The following LRP1B variants were observed in gnomAD, a reference collection of about 807,000 sequenced individuals.
LRP1B encodes the protein low-density lipoprotein receptor-related protein 1B.
In LRP1B, 217 loss-of-function variants were observed where a neutral mutation model predicts 556.6. The observed-to-expected ratio is 0.39, with a 90% confidence interval of 0.35 to 0.44. The LOEUF (loss-of-function observed/expected upper bound fraction) is 0.44. Among genes scored for constraint, LRP1B ranks in the 20% least tolerant of loss-of-function variants. LRP1B has a pLI of 1.00. For synonymous variants in LRP1B, 2,047 were observed against 1,865.8 expected, an observed-to-expected ratio of 1.10 and a Z score of -2.50; for missense variants, 5,053 against 5,620.8, an observed-to-expected ratio of 0.90 and a Z score of 3.23.
chr2:140,872,169 C>T (rs1231103281), intron 25 of LRP1B, among the ~76,000 whole-genome samples: 6 of 141,824 alleles, frequency 4.2e-5, no homozygotes, highest in African/African-American at 1.0e-4. Context: ...TCTTTCCCTT[C>T]TCTTTCACCC....
intron 1 of LRP1B, among the ~76,000 whole-genome samples, chr2:141,848,955 AAG>A (rs1416812577): frequency 6.6e-6 from 1 of 151,624 alleles, no homozygotes; most frequent in Non-Finnish European, 1.5e-5. Context: ...TGAGTGAATG[AAG>A]ATTATCATCA....
intron 3 of LRP1B, among the ~76,000 whole-genome samples, chr2:141,274,162 A>G (rs1008371614): frequency 6.6e-6 from 1 of 152,206 alleles, no homozygotes; most frequent in Non-Finnish European, 1.5e-5. Context: ...CAGTTCTTCA[A>G]AAAGTTATAA....
intron 7 of LRP1B, among the ~76,000 whole-genome samples, chr2:141,185,816 C>T (rs534266909): frequency 6.6e-6 from 1 of 151,684 alleles, no homozygotes; most frequent in Non-Finnish European, 1.5e-5. Flanking sequence ...CAGAGGCTCA[C>T]ACCTGTAATC....
intron 3 of LRP1B, among the ~76,000 whole-genome samples, chr2:141,279,829 G>T (rs1056004866): frequency 6.6e-6 from 1 of 151,948 alleles, no homozygotes; most frequent in African/African-American, 2.4e-5. Context: ...TGAAGATAAG[G>T]GATAATACAA....
intron 7 of LRP1B, among the ~76,000 whole-genome samples, chr2:141,158,266 T>C (rs574605424): frequency 7.0e-4 from 107 of 152,314 alleles, no homozygotes; most frequent in Non-Finnish European, 1.0e-3. Context: ...TAAATAATTA[T>C]GGAATTTCAG....
intron 1 of LRP1B, among the ~76,000 whole-genome samples, chr2:142,091,231 T>C (rs1706160299): frequency 6.6e-6 from 1 of 152,136 alleles, no homozygotes; most frequent in African/African-American, 2.4e-5. Context: ...TTTTTAGACT[T>C]TGGCAAAAGT....
chr2:140,665,897 TA>T (rs1467769932), intron 41 of LRP1B, among the ~76,000 whole-genome samples: 1 of 152,106 alleles, frequency 6.6e-6, no homozygotes, highest in Non-Finnish European at 1.5e-5. Context: ...TTTAAACAGA[TA>T]TTTTTTTCCT....
chr2:141,904,918 G>A (rs1337197267), intron 1 of LRP1B, among the ~76,000 whole-genome samples: 2 of 151,900 alleles, frequency 1.3e-5, no homozygotes, highest in East Asian at 3.9e-4. Context: ...ACCTACTTGG[G>A]TAAACTCTGG....
chr2:142,121,025 T>C (rs1022709737), intron 1 of LRP1B, among the ~76,000 whole-genome samples: 5 of 152,182 alleles, frequency 3.3e-5, no homozygotes, highest in Non-Finnish European at 7.4e-5. Context: ...CTGATTAGAA[T>C]ATTAACCCTT....
intron 7 of LRP1B, among the ~76,000 whole-genome samples, chr2:141,092,619 A>T (rs1700196582): frequency 6.6e-6 from 1 of 152,170 alleles, no homozygotes; most frequent in Non-Finnish European, 1.5e-5. Context: ...AAAATATTTC[A>T]CAGTTTGCCA....
At chr2:140,417,626 T>G (rs926468870) in intron 66 of LRP1B, among the ~76,000 whole-genome samples, 1 of 152,106 alleles carries the variant, frequency 6.6e-6, no homozygotes, top group Non-Finnish European at 1.5e-5. Flanking sequence ...TCAGGAAAAT[T>G]AAGTAGGTCA....
At chr2:140,603,557 A>T (rs1036834365) in intron 41 of LRP1B, among the ~76,000 whole-genome samples, 2 of 152,130 alleles carry the variant, frequency 1.3e-5, no homozygotes, top group Non-Finnish European at 2.9e-5. Flanking sequence ...CTCTTCCAGT[A>T]ACCATGACAT....
At chr2:141,842,725 A>G (rs1014140331) in intron 1 of LRP1B, among the ~76,000 whole-genome samples, 8 of 152,140 alleles carry the variant, frequency 5.3e-5, no homozygotes, top group East Asian at 1.9e-4. Flanking sequence ...AAACAATCGG[A>G]AAGAGCAGTA....
intron 1 of LRP1B, among the ~76,000 whole-genome samples, chr2:141,950,780 G>T (rs554976426): frequency 6.6e-6 from 1 of 151,784 alleles, no homozygotes; most frequent in Non-Finnish European, 1.5e-5. Context: ...TAGGTAACTC[G>T]CATTTCTAAG....
chr2:141,405,633 T>C (rs998611291), intron 3 of LRP1B, among the ~76,000 whole-genome samples: 2 of 152,088 alleles, frequency 1.3e-5, no homozygotes, highest in Admixed American at 6.5e-5. Context: ...ACAACAGAGA[T>C]ACTTATTTTA....
chr2:140,321,080 A>G (rs749782147), intron 82 of LRP1B, among the ~76,000 whole-genome samples: 4 of 152,210 alleles, frequency 2.6e-5, no homozygotes, highest in Non-Finnish European at 5.9e-5. Flanking sequence ...TAAAATTAAA[A>G]TAATTTTTAA....
chr2:141,659,291 G>A (rs868687730), intron 2 of LRP1B, among the ~76,000 whole-genome samples: 3 of 152,090 alleles, frequency 2.0e-5, no homozygotes, highest in African/African-American at 7.2e-5. Flanking sequence ...CTGGTCATAA[G>A]GTCTCTGTTG....
chr2:140,675,122 A>G (rs1441464), intron 41 of LRP1B, among the ~76,000 whole-genome samples: 2 of 152,198 alleles, frequency 1.3e-5, no homozygotes, highest in Non-Finnish European at 2.9e-5. Flanking sequence ...TCTCCTTGTT[A>G]TAGGAAACTT....
At position 141,690,037 on chromosome 2, in the gene LRP1B, C is replaced by T. The variant is rs1691458989; in HGVS notation, c.205+120242G>A. ...CTTTCACAAGGTAAACATAGTAATG[C>T]AAGAGAAAAACTCTTCCATTATTAT... On this transcript the variant is annotated intron_variant, in intron 2 of 90. Transcript: ENST00000389484. Among the ~76,000 whole-genome samples the T allele has an allele frequency of 4.6e-5, 7 of 151,678 alleles. No homozygotes were observed. In the Middle Eastern group the frequency reaches 0.01, roughly 223 times the overall value.
Sources: allele counts gnomAD v4.1 joint callset (sites outside exome capture counted in the v4.1 genomes callset), GRCh38; gene constraint gnomAD v4.1.1; transcripts MANE v1.5; gene names NCBI Gene and HGNC (gene_info 2026-07-23, HGNC 2026-07-21).